Variants in UHRF2 observed in about 807,000 individuals in gnomAD.
UHRF2 encodes the protein E3 ubiquitin-protein ligase UHRF2.
Under a neutral mutation model 96.8 loss-of-function variants are expected in UHRF2, and 23 were observed. The observed-to-expected ratio is 0.24, with a 90% CI of 0.17 to 0.34. The LOEUF (loss-of-function observed/expected upper bound fraction) is 0.34. Among genes scored for constraint, UHRF2 ranks in the 10% least tolerant of loss-of-function variants. UHRF2 has a pLI of 1.00. For synonymous variants in UHRF2, 385 were observed against 332.6 expected (o/e 1.16, Z -1.72); for missense variants, 685 against 981.5 (o/e 0.70, Z 4.04).
chr9:6,422,510 A>G (rs143455142), intron 2 of UHRF2: 30 of 426,418 alleles, frequency 7.0e-5, no homozygotes, highest in Non-Finnish European at 7.8e-5. Context: ...ATGGGATTCT[A>G]TGGAGATTGC....
intron 4 of UHRF2, among the ~76,000 whole-genome samples, chr9:6,466,539 CAAAAAAAAAAGGAAAAAAAAAA>C (rs1184855532): frequency 5.2e-5 from 2 of 38,598 alleles, no homozygotes; most frequent in African/African-American, 1.7e-4. Context: ...GACTCTATCT[CAAAAAAAAAAGGAAAAAAAAAA>C]AAAAAAAAAA....
chr9:6,436,156 G>A (rs1036067115), intron 3 of UHRF2, among the ~76,000 whole-genome samples: 4 of 152,046 alleles, frequency 2.6e-5, no homozygotes, highest in Non-Finnish European at 4.4e-5. Context: ...ATCCTAGAAC[G>A]CTTATTATTT....
chr9:6,436,965 C>G (rs1368257298), intron 3 of UHRF2, among the ~76,000 whole-genome samples: 1 of 152,068 alleles, frequency 6.6e-6, no homozygotes, highest in Non-Finnish European at 1.5e-5. Context: ...GTAAATGTCA[C>G]CTCTTTAAAA....
At chr9:6,481,516 T>A in intron 6 of UHRF2, 127 bp from the exon 7 acceptor site, 4 of 1,070,058 alleles carry the variant, frequency 3.7e-6, no homozygotes, top group Non-Finnish European at 5.2e-6. Context: ...TAATGCCAGT[T>A]AAAGCTCTGT....
intron 4 of UHRF2, among the ~76,000 whole-genome samples, chr9:6,467,195 C>A (rs575291058): frequency 6.6e-6 from 1 of 152,156 alleles, no homozygotes; most frequent in Non-Finnish European, 1.5e-5. Context: ...CTTGCCTTTA[C>A]CATGTTTCAG....
At chr9:6,455,971 A>T (rs1822150356) in intron 3 of UHRF2, among the ~76,000 whole-genome samples, 1 of 152,208 alleles carries the variant, frequency 6.6e-6, no homozygotes, top group African/African-American at 2.4e-5. Context: ...TGACAGAGTG[A>T]AACCCTGTCT....
chr9:6,456,853 C>T (rs1256559068), intron 3 of UHRF2, among the ~76,000 whole-genome samples: 5 of 152,038 alleles, frequency 3.3e-5, no homozygotes, highest in Admixed American at 2.0e-4. Flanking sequence ...AGATGTGTGG[C>T]GTTATTTCTG....
chr9:6,430,320 C>CT (rs1820497232), intron 2 of UHRF2, among the ~76,000 whole-genome samples: 1 of 152,096 alleles, frequency 6.6e-6, no homozygotes, highest in Non-Finnish European at 1.5e-5. Context: ...CTTAATGTGG[C>CT]TATATCTTTG....
At chr9:6,430,911 A>G (rs924044667) in intron 2 of UHRF2, among the ~76,000 whole-genome samples, 5 of 152,194 alleles carry the variant, frequency 3.3e-5, no homozygotes, top group African/African-American at 9.6e-5. Context: ...AGTTACATCA[A>G]TAAATTAAAA....
intron 2 of UHRF2, among the ~76,000 whole-genome samples, chr9:6,431,820 C>G (rs886657279): frequency 6.6e-6 from 1 of 152,158 alleles, no homozygotes; most frequent in Admixed American, 6.5e-5. Flanking sequence ...TGTGCCGCCT[C>G]GTGTTCCTTA....
chr9:6,457,634 G>T (rs1232530196), intron 3 of UHRF2, among the ~76,000 whole-genome samples: 8 of 152,206 alleles, frequency 5.3e-5, no homozygotes, highest in Admixed American at 5.2e-4. Context: ...TATGATATTG[G>T]CTATGGGTTT....
At chr9:6,500,989 C>T (rs1026625866) in intron 14 of UHRF2, among the ~76,000 whole-genome samples, 6 of 152,132 alleles carry the variant, frequency 3.9e-5, no homozygotes, top group African/African-American at 1.4e-4. Context: ...TGTGAAACAT[C>T]GTCATTTTAA....
intron 14 of UHRF2, among the ~76,000 whole-genome samples, chr9:6,501,967 C>G (rs1025387330): frequency 2.6e-5 from 4 of 152,206 alleles, no homozygotes; most frequent in South Asian, 2.1e-4. Context: ...TAGTGTCCCA[C>G]TGGGACAGAT....
intron 9 of UHRF2, 66 bp from the exon 10 acceptor site, chr9:6,493,760 G>T (rs1401329500): frequency 2.9e-6 from 4 of 1,390,296 alleles, no homozygotes; most frequent in Non-Finnish European, 4.0e-6. Context: ...TTTTGACTCT[G>T]AAATAAGAAT....
At chr9:6,423,196 A>G (rs1820036885) in intron 2 of UHRF2, among the ~76,000 whole-genome samples, 1 of 152,246 alleles carries the variant, frequency 6.6e-6, no homozygotes, top group Non-Finnish European at 1.5e-5. Context: ...TTAAGAAGAG[A>G]TTAGAACCAT....
intron 14 of UHRF2, 113 bp from the exon 15 acceptor site, chr9:6,504,480 G>A (rs1379351706): frequency 4.8e-6 from 3 of 629,486 alleles, no homozygotes; most frequent in South Asian, 2.1e-5. Flanking sequence ...CTTTTATGCT[G>A]GGAACATTTG....
At chr9:6,470,090 G>C (rs971975022) in intron 4 of UHRF2, among the ~76,000 whole-genome samples, 3 of 152,186 alleles carry the variant, frequency 2.0e-5, no homozygotes, top group African/African-American at 7.2e-5. Flanking sequence ...AACATTCCCA[G>C]CTGGGCGTGG....
rs577547806 is a variant in UHRF2, at chr9:6,463,779, T to A, written c.863+2988T>A. Among the ~76,000 whole-genome samples, 44 of 148,656 alleles carry A rather than the reference T, an allele frequency of 3.0e-4. 1 individual carries two copies. The highest frequency in any genetic ancestry group is 5.4e-4 in the African/African-American group (22 of 40,818). ...AGCCACCGTGTCTGGAGAAAAAAAA[T>A]TTTTTTTTTTAATGATTAGAAATCT... is the stretch of plus-strand genomic sequence containing the variant. On this transcript the variant is annotated intron_variant, in intron 4 of 15. Coordinates refer to ENST00000276893, the MANE Select transcript of UHRF2 (RefSeq NM_152896.3).
At chr9:6,497,915 A>G (rs893387350) in intron 11 of UHRF2, 103 bp from the exon 12 acceptor site, 2 of 1,413,438 alleles carry the variant, frequency 1.4e-6, no homozygotes, top group Non-Finnish European at 9.7e-7. Flanking sequence ...CAGAATATTC[A>G]GAAGTTGCAT....
Sources: gnomAD v4.1 joint callset for allele counts (sites outside exome capture counted in the v4.1 genomes callset) on GRCh38, gnomAD v4.1.1 for gene constraint, MANE v1.5 for transcripts, NCBI Gene and HGNC (gene_info 2026-07-23, HGNC 2026-07-21) for gene names.